ITIH5: variants seen among roughly 807,000 people sequenced by gnomAD.
ITIH5 encodes the protein inter-alpha-trypsin inhibitor heavy chain H5.
ITIH5 carries 65 observed loss-of-function variants against 77.5 expected under a neutral mutation model. The observed-to-expected ratio is 0.84, with a 90% CI of 0.69 to 1.03. ITIH5 has a LOEUF of 1.03. ITIH5 is among the 50% of genes least tolerant of loss of function. The pLI, the probability that ITIH5 is intolerant of heterozygous loss-of-function variation, is 0.00. For synonymous variants in ITIH5, 525 were observed against 494.3 expected, an observed-to-expected ratio of 1.06 and a Z score of -0.82; for missense variants, 1,208 against 1,213.1, an observed-to-expected ratio of 1.00 and a Z score of 0.06.
At chr10:7,600,624 C>G (rs1832995316) in intron 7 of ITIH5, 1 of 455,958 alleles carries the variant, frequency 2.2e-6, no homozygotes, top group Non-Finnish European at 4.4e-6. Flanking sequence ...TTAATCAGAA[C>G]ATCCTTCTTC....
chr10:7,582,352 A>T (rs886169542), intron 8 of ITIH5, among the ~76,000 whole-genome samples: 1 of 152,164 alleles, frequency 6.6e-6, no homozygotes, highest in Non-Finnish European at 1.5e-5. Context: ...AGCTACAGTG[A>T]GGTTTCTGGG....
At chr10:7,565,498 T>C (rs1319280563) in intron 13 of ITIH5, among the ~76,000 whole-genome samples, 1 of 150,458 alleles carries the variant, frequency 6.6e-6, no homozygotes, top group Non-Finnish European at 1.5e-5. Context: ...TTATATATTA[T>C]GTATATGTGT....
intron 2 of ITIH5, among the ~76,000 whole-genome samples, chr10:7,647,379 C>T (rs1291175035): frequency 6.6e-6 from 1 of 152,218 alleles, no homozygotes; most frequent in East Asian, 1.9e-4. Flanking sequence ...AGGAGCCCGG[C>T]TCATGCAGGA....
chr10:7,637,526 G>A, intron 4 of ITIH5, 48 bp from the exon 5 acceptor site: 4 of 1,585,662 alleles, frequency 2.5e-6, no homozygotes, highest in Non-Finnish European at 2.6e-6. Flanking sequence ...GAAGAGGATA[G>A]AGCCAGGTTC....
chr10:7,666,030 A>C lies in ITIH5; in HGVS notation c.90+773T>G, dbSNP rs1834356144. Among the ~76,000 whole-genome samples, 5 of 152,354 alleles carry C rather than the reference A, an allele frequency of 3.3e-5. No individual in the cohort carries two copies. The South Asian group carries it at 1.0e-3, about 32-fold the overall frequency. On this transcript the variant is annotated intron_variant, in intron 1 of 13. Transcript: ENST00000397146. ...TCCCACCGTGCACAAACACGCTGGA[A>C]GCTAAACGGCTTAAATATTTAAATG... is the stretch of plus-strand genomic sequence containing the variant.
intron 7 of ITIH5, among the ~76,000 whole-genome samples, chr10:7,599,937 G>GC (rs1288681226): frequency 6.6e-6 from 1 of 152,144 alleles, no homozygotes; most frequent in Non-Finnish European, 1.5e-5. Flanking sequence ...GATTTCTGTT[G>GC]CAAGAGGGAA....
At chr10:7,631,369 G>A (rs747434513) in intron 5 of ITIH5, among the ~76,000 whole-genome samples, 53 of 152,308 alleles carry the variant, frequency 3.5e-4, no homozygotes, top group South Asian at 1.2e-3. Context: ...TTCTCTCAAC[G>A]TGGAGTTGGG....
In ITIH5 at chr10:7,561,290, C is replaced by G. The variant is rs1023592464; in HGVS notation, c.*1793G>C. 4 of 152,238 alleles carry G rather than the reference C, an allele frequency of 2.6e-5. No individual in the cohort carries two copies. Among genetic ancestry groups the G allele is most frequent in the African/African-American group, 9.6e-5 (4 of 41,454 alleles). The allele number at this position is 152,238 out of a possible 1,614,324, so 9.4% of individuals were successfully genotyped here. Reference sequence around the variant, plus strand: ...GCAGTGTCGAGACTTACACCTGGAACAACAGATCACTGCTCCAAGTGCTCC... The same window carrying G: ...GCAGTGTCGAGACTTACACCTGGAAGAACAGATCACTGCTCCAAGTGCTCC... On this transcript the variant is annotated 3_prime_UTR_variant, in exon 14 of 14. Coordinates refer to ENST00000397146, the MANE Select transcript of ITIH5 (RefSeq NM_030569.7).
chr10:7,587,614 C>G (rs1832708475), intron 7 of ITIH5, among the ~76,000 whole-genome samples: 1 of 152,196 alleles, frequency 6.6e-6, no homozygotes, highest in Non-Finnish European at 1.5e-5. Context: ...GTAATAGTAC[C>G]TGCCTCATCA....
intron 8 of ITIH5, among the ~76,000 whole-genome samples, chr10:7,582,643 C>T (rs1473769137): frequency 1.3e-5 from 2 of 152,108 alleles, no homozygotes; most frequent in Non-Finnish European, 2.9e-5. Context: ...TACCATGGGG[C>T]ACTATTCAGC....
chr10:7,637,543 T>TC, intron 4 of ITIH5, 65 bp from the exon 5 acceptor site: 1 of 1,522,672 alleles, frequency 6.6e-7, no homozygotes, highest in Non-Finnish European at 8.9e-7. Context: ...GTTCCCTCAG[T>TC]CCCCACAGGG....
intron 12 of ITIH5, among the ~76,000 whole-genome samples, chr10:7,568,076 C>T (rs989936585): frequency 2.0e-5 from 3 of 152,154 alleles, no homozygotes; most frequent in African/African-American, 7.2e-5. Context: ...GTGAACCAGG[C>T]CCCAGGGTTC....
chr10:7,600,352 C>T (rs1327596407), intron 7 of ITIH5, among the ~76,000 whole-genome samples: 3 of 152,164 alleles, frequency 2.0e-5, no homozygotes, highest in African/African-American at 7.2e-5. Context: ...CTGAAACATG[C>T]TTCTGTCTTC....
chr10:7,576,860 T>C lies in ITIH5; in HGVS notation c.1571A>G (p.Asp524Gly). ...IAGKLVDRKL[D>G]HLHVEVTASN... ...GGCGGTGACCTCCACGTGCAGGTGA[T>C]CCAGCTTCCTGTCCACCAGCTTCCC... The change falls in exon 10 of 14, where the codon GAT becomes GGT. Residue 524 changes from aspartate (D) to glycine (G), a missense_variant. Physicochemically the swap from Asp to Gly is moderately conservative, Grantham distance 94. Transcript: ENST00000397146. The C allele has an allele frequency of 6.2e-7, 1 of 1,614,170 alleles. No homozygotes were observed. The highest frequency in any genetic ancestry group is 1.1e-5 in the South Asian group (1 of 91,078).
Position 7,655,674 on chromosome 10 carries a change from T to A in ITIH5, c.92A>T (p.Asp31Val), listed in dbSNP as rs755104276. 5.6e-6 allele frequency: 9 copies of A among 1,610,854 alleles called. No homozygotes were observed. Among genetic ancestry groups the A allele is most frequent in the Admixed American group, 1.7e-5 (1 of 59,986 alleles). ...GACTTGCCTCGGGACCCTGAGTCCA[T>A]CCTAGAAAAGAGAAGAGACTGTTAA... ...AQSWGHSSEQDGLRVPRQVRL... is the reference protein window; with the variant it reads ...AQSWGHSSEQVGLRVPRQVRL... Residue 31 changes from aspartate (D) to valine (V), a missense_variant and splice_region_variant, in exon 2 of 14, where the codon GAT becomes GTT. Asp to Val is a radical substitution (Grantham distance 152). Transcript: ENST00000397146.
At chr10:7,644,248 T>A (rs78866576) in intron 2 of ITIH5, among the ~76,000 whole-genome samples, 40,958 of 136,598 alleles carry the variant, frequency 0.3, 6,144 homozygotes, top group African/African-American at 0.46. Context: ...AGAAAAAAAA[T>A]ATATATATAT....
intron 4 of ITIH5, among the ~76,000 whole-genome samples, chr10:7,638,312 A>G (rs1296101443): frequency 6.6e-6 from 1 of 152,128 alleles, no homozygotes. Context: ...GGCTTTCTAT[A>G]CTCCTCCTTC....
chr10:7,612,686 G>C (rs918606397), intron 7 of ITIH5, among the ~76,000 whole-genome samples: 5 of 146,262 alleles, frequency 3.4e-5, no homozygotes, highest in Admixed American at 3.4e-4. Context: ...GAAAGGAAAA[G>C]AAAGAACATC....
rs554924585 is a variant in ITIH5 at position 7,628,808 on chromosome 10, T to A, written c.652+8420A>T. 2.3e-4 allele frequency among the ~76,000 whole-genome samples: 20 copies of A among 86,740 alleles called. 3 individuals carry two copies. Among genetic ancestry groups the A allele is most frequent in the Admixed American group, 2.0e-3 (18 of 9,218 alleles). 56.9% of individuals were successfully genotyped at this position (86,740 alleles called of 152,430 possible). A position where few individuals can be genotyped will look rare whatever the true frequency, so the allele number is the denominator to read the frequency against. On this transcript the variant is annotated intron_variant, in intron 5 of 13. Coordinates refer to ENST00000397146, the MANE Select transcript of ITIH5 (RefSeq NM_030569.7). ...ATGTTATCATATGTATCTGTGTTTTTGCATGTGTCCATGTTGTAGCGTGTG... is the reference window on the plus strand; with the variant it reads ...ATGTTATCATATGTATCTGTGTTTTAGCATGTGTCCATGTTGTAGCGTGTG...
Sources: allele counts gnomAD v4.1 joint callset (sites outside exome capture counted in the v4.1 genomes callset), GRCh38; gene constraint gnomAD v4.1.1; transcripts MANE v1.5; gene names NCBI Gene and HGNC (gene_info 2026-07-23, HGNC 2026-07-21).